Variants in TRPM3 observed in about 807,000 individuals in gnomAD.
The protein encoded by TRPM3 is transient receptor potential cation channel subfamily M member 3.
Under a neutral mutation model 181.2 loss-of-function variants are expected in TRPM3, and 77 were observed. The observed-to-expected ratio is 0.42, with a 90% CI of 0.35 to 0.51. The LOEUF (loss-of-function observed/expected upper bound fraction) is 0.51, where lower values mean the gene tolerates loss of function less well. TRPM3 is among the 20% of genes least tolerant of loss of function. The pLI is 0.01. For synonymous variants in TRPM3, 745 were observed against 796.4 expected (o/e 0.94, Z 1.09); for missense variants, 1,759 against 2,196.7 (o/e 0.80, Z 3.98).
intron 1 of TRPM3, among the ~76,000 whole-genome samples, chr9:71,421,777 A>G (rs2093779054): frequency 6.6e-6 from 1 of 152,068 alleles, no homozygotes; most frequent in Admixed American, 6.6e-5. Flanking sequence ...CAATTGTCAC[A>G]CAATGTTAAG....
intron 1 of TRPM3, among the ~76,000 whole-genome samples, chr9:70,928,519 AACAC>A (rs369737756): frequency 1.3e-5 from 2 of 151,878 alleles, no homozygotes; most frequent in Non-Finnish European, 2.9e-5. Flanking sequence ...ATTTAATCTA[AACAC>A]ACACACACAC....
intron 12 of TRPM3, among the ~76,000 whole-genome samples, chr9:70,635,002 G>T (rs1307429955): frequency 6.6e-6 from 1 of 152,058 alleles, no homozygotes; most frequent in Non-Finnish European, 1.5e-5. Context: ...AAAGCACGGC[G>T]ATTGGAGATA....
chr9:70,604,566 A>T (rs1431167370), intron 19 of TRPM3, among the ~76,000 whole-genome samples: 1 of 152,206 alleles, frequency 6.6e-6, no homozygotes, highest in African/African-American at 2.4e-5. Context: ...GAGGTACTGC[A>T]TGACTTTGTA....
chr9:70,772,419 G>A (rs1188063209), intron 7 of TRPM3, among the ~76,000 whole-genome samples: 1 of 151,826 alleles, frequency 6.6e-6, no homozygotes, highest in African/African-American at 2.4e-5. Context: ...CTGGGCTCAG[G>A]TGATCCTCCC....
intron 1 of TRPM3, among the ~76,000 whole-genome samples, chr9:71,350,592 C>A (rs954378431): frequency 6.6e-6 from 1 of 152,200 alleles, no homozygotes; most frequent in Admixed American, 6.5e-5. Flanking sequence ...ATTTGTATCA[C>A]CTAAAATCCT....
At position 70,628,818 on chromosome 9, in the gene TRPM3, T is replaced by TAAAAAAAA. The variant is rs10699305; in HGVS notation, c.1633-3309_1633-3302dup. On this transcript the variant is annotated intron_variant, in intron 12 of 25. Transcript: ENST00000677713. Reference sequence around the variant, plus strand: ...TGGGCGACAGAGCAAGACTCTGTCTTAAAAAAAAAAAAAAAAAAAAAAAAT... The same window carrying TAAAAAAAA: ...TGGGCGACAGAGCAAGACTCTGTCTTAAAAAAAAAAAAAAAAAAAAAAAAAAAAAAAAT... Among the ~76,000 whole-genome samples the TAAAAAAAA allele has an allele frequency of 3.2e-4, 29 of 89,542 alleles. No individual in the cohort carries two copies. In the South Asian group the frequency reaches 3.3e-3, roughly 10 times the overall value. The allele number at this position is 89,542 out of a possible 152,430, so 58.7% of individuals were successfully genotyped here.
chr9:71,363,348 T>C (rs981293148), intron 1 of TRPM3, among the ~76,000 whole-genome samples: 5 of 152,192 alleles, frequency 3.3e-5, no homozygotes, highest in African/African-American at 1.2e-4. Context: ...TGGAGTTGTG[T>C]GATTTTTTCC....
At chr9:70,873,751 A>G (rs1319223706) in intron 1 of TRPM3, among the ~76,000 whole-genome samples, 3 of 151,972 alleles carry the variant, frequency 2.0e-5, no homozygotes, top group East Asian at 3.9e-4. Context: ...GAAGAGTCAC[A>G]CGATATAATA....
At chr9:70,573,489 A>G (rs189297111) in intron 22 of TRPM3, among the ~76,000 whole-genome samples, 104 of 152,306 alleles carry the variant, frequency 6.8e-4, no homozygotes, top group African/African-American at 2.5e-3. Flanking sequence ...ACAGAGAACA[A>G]TGCTTCATTG....
At chr9:71,390,876 G>A (rs1379548133) in intron 1 of TRPM3, among the ~76,000 whole-genome samples, 2 of 151,804 alleles carry the variant, frequency 1.3e-5, no homozygotes, top group Non-Finnish European at 2.9e-5. Context: ...AGAAGTACAG[G>A]GTATGGAGAA....
intron 1 of TRPM3, among the ~76,000 whole-genome samples, chr9:70,934,835 ATT>A (rs975996397): frequency 2.0e-5 from 3 of 152,086 alleles, no homozygotes; most frequent in African/African-American, 7.2e-5. Context: ...AGGACCTGTT[ATT>A]TAATGAATTG....
At chr9:70,614,979 A>G (rs781559934) in intron 18 of TRPM3, among the ~76,000 whole-genome samples, 1 of 152,272 alleles carries the variant, frequency 6.6e-6, no homozygotes, top group Non-Finnish European at 1.5e-5. Context: ...TTGGCCTTTC[A>G]TTCAGTAAGT....
At chr9:71,373,311 T>TA (rs35902768) in intron 1 of TRPM3, among the ~76,000 whole-genome samples, 81,549 of 145,086 alleles carry the variant, frequency 0.56, 24,150 homozygotes, top group East Asian at 0.81. Flanking sequence ...GAAAAACCCT[T>TA]AAAAAAAAAA....
intron 1 of TRPM3, among the ~76,000 whole-genome samples, chr9:71,221,641 G>A (rs998179471): frequency 1.3e-5 from 2 of 152,012 alleles, no homozygotes; most frequent in Admixed American, 6.6e-5. Flanking sequence ...TATTGCATGG[G>A]GCCTGTTCAG....
intron 1 of TRPM3, among the ~76,000 whole-genome samples, chr9:71,072,479 C>T (rs1259210163): frequency 6.6e-6 from 1 of 152,076 alleles, no homozygotes; most frequent in Non-Finnish European, 1.5e-5. Context: ...CTCACTTAAT[C>T]CTCCCAATAA....
chr9:70,849,610 G>C (rs7031308), intron 3 of TRPM3, among the ~76,000 whole-genome samples: 283 of 152,058 alleles, frequency 1.9e-3, no homozygotes, highest in Admixed American at 4.1e-3. Flanking sequence ...ACAGTGGAAA[G>C]TGACAGAACT....
chr9:71,193,483 C>T (rs967334612), intron 1 of TRPM3, among the ~76,000 whole-genome samples: 4 of 151,930 alleles, frequency 2.6e-5, no homozygotes, highest in Middle Eastern at 3.4e-3. Flanking sequence ...TCCTCTTTCT[C>T]TACCAGCACC....
At chr9:70,900,677 C>CT (rs2096371886) in intron 1 of TRPM3, among the ~76,000 whole-genome samples, 1 of 152,124 alleles carries the variant, frequency 6.6e-6, no homozygotes, top group African/African-American at 2.4e-5. Flanking sequence ...TCTCCTCTTA[C>CT]TTTTTTCCTG....
chr9:71,368,311 A>C (rs2092405777), intron 1 of TRPM3, among the ~76,000 whole-genome samples: 1 of 152,168 alleles, frequency 6.6e-6, no homozygotes. Context: ...TGCAACCCTG[A>C]ATCTTTCACT....
Sources: allele counts gnomAD v4.1 joint callset (sites outside exome capture counted in the v4.1 genomes callset), GRCh38; gene constraint gnomAD v4.1.1; transcripts MANE v1.5; gene names NCBI Gene and HGNC (gene_info 2026-07-23, HGNC 2026-07-21).